The following DENND1A variants were observed in gnomAD, a reference collection of about 807,000 sequenced individuals.
DENND1A encodes the protein DENN domain containing 1A.
A neutral mutation model predicts 113.7 loss-of-function variants in DENND1A; 51 were observed. That is an observed-to-expected ratio of 0.45 (90% CI 0.36 to 0.57). The LOEUF (loss-of-function observed/expected upper bound fraction) is 0.57, where lower values mean the gene tolerates loss of function less well. DENND1A is among the 20% of genes least tolerant of loss of function. DENND1A has a pLI of 0.00. For synonymous variants in DENND1A, 565 were observed against 570.8 expected (o/e 0.99, Z 0.14); for missense variants, 1,258 against 1,395.9 (o/e 0.90, Z 1.57).
At chr9:123,793,960 C>T (rs1322983918) in intron 2 of DENND1A, among the ~76,000 whole-genome samples, 4 of 152,224 alleles carry the variant, frequency 2.6e-5, no homozygotes, top group Non-Finnish European at 2.9e-5. Context: ...GAATCAATTT[C>T]TTTCTTCACC....
At chr9:123,740,638 T>C (rs2068931193) in intron 5 of DENND1A, among the ~76,000 whole-genome samples, 1 of 152,180 alleles carries the variant, frequency 6.6e-6, no homozygotes, top group South Asian at 2.1e-4. Context: ...AAATTAGGTA[T>C]CTTATATAAC....
At chr9:123,448,056 G>A (rs1564506930) in intron 18 of DENND1A, among the ~76,000 whole-genome samples, 1 of 152,180 alleles carries the variant, frequency 6.6e-6, no homozygotes, top group Non-Finnish European at 1.5e-5. Flanking sequence ...CAGTCCGATG[G>A]TGACAAGCCA....
At chr9:123,895,338 C>T (rs1294671765) in intron 1 of DENND1A, among the ~76,000 whole-genome samples, 3 of 151,974 alleles carry the variant, frequency 2.0e-5, no homozygotes, top group South Asian at 2.1e-4. Context: ...AACAAAGATT[C>T]GGTCGGGTAT....
chr9:123,568,614 G>C (rs2058182612), intron 12 of DENND1A, among the ~76,000 whole-genome samples: 2 of 152,226 alleles, frequency 1.3e-5, no homozygotes, highest in African/African-American at 4.8e-5. Flanking sequence ...GGGAGTTAAT[G>C]AAGAGCTTGG....
In DENND1A at chr9:123,805,473, A is replaced by G. The variant is rs978084699; in HGVS notation, c.89-12843T>C. 4.7e-5 allele frequency among the ~76,000 whole-genome samples: 7 copies of G among 150,338 alleles called. No individual in the cohort carries two copies. The East Asian group carries it at 1.4e-3, about 29-fold the overall frequency. ...TTTTGAGACAGAGTCTCACTCTGTC[A>G]CCCAAGATGGACTGTAATGGCATGA... On this transcript the variant is annotated intron_variant, in intron 2 of 23. Transcript: ENST00000394215.
At chr9:123,553,400 G>T (rs5021618) in intron 13 of DENND1A, among the ~76,000 whole-genome samples, 38 of 112,484 alleles carry the variant, frequency 3.4e-4, no homozygotes, top group Middle Eastern at 4.2e-3. Context: ...TTTAAAAGCC[G>T]CCCCCCCCCC....
At chr9:123,900,569 T>C (rs1851455986) in intron 1 of DENND1A, among the ~76,000 whole-genome samples, 2 of 152,144 alleles carry the variant, frequency 1.3e-5, no homozygotes, top group African/African-American at 2.4e-5. Context: ...AATCTACACG[T>C]GTGATTAAGG....
chr9:123,427,407 C>T (rs2045822272), intron 19 of DENND1A, among the ~76,000 whole-genome samples: 1 of 152,222 alleles, frequency 6.6e-6, no homozygotes, highest in African/African-American at 2.4e-5. Flanking sequence ...GACTTTGTCA[C>T]ACTTGAGTCT....
At chr9:123,502,240 G>A (rs1228425200) in intron 13 of DENND1A, among the ~76,000 whole-genome samples, 1 of 150,524 alleles carries the variant, frequency 6.6e-6, no homozygotes, top group East Asian at 2.0e-4. Context: ...TATAATACAG[G>A]CTCCATATAT....
intron 5 of DENND1A, among the ~76,000 whole-genome samples, chr9:123,749,161 T>A (rs1181445032): frequency 1.3e-5 from 2 of 152,200 alleles, no homozygotes; most frequent in Non-Finnish European, 2.9e-5. Flanking sequence ...AAGACTGTCA[T>A]TCACCAGCCA....
At chr9:123,389,451 G>T (rs2042730073) in intron 21 of DENND1A, among the ~76,000 whole-genome samples, 1 of 152,196 alleles carries the variant, frequency 6.6e-6, no homozygotes, top group South Asian at 2.1e-4. Context: ...GGTCCAGGGG[G>T]CATTTTCCCG....
intron 11 of DENND1A, among the ~76,000 whole-genome samples, chr9:123,603,514 T>A (rs2060020682): frequency 6.6e-6 from 1 of 152,140 alleles, no homozygotes; most frequent in African/African-American, 2.4e-5. Flanking sequence ...TAGGGACCCA[T>A]GGCTAAGCAT....
intron 9 of DENND1A, among the ~76,000 whole-genome samples, chr9:123,639,718 G>A (rs2061922293): frequency 6.7e-6 from 1 of 150,082 alleles, no homozygotes; most frequent in African/African-American, 2.5e-5. Context: ...TAGAGGTTGT[G>A]GTGAGCCAAG....
intron 13 of DENND1A, chr9:123,492,040 C>G (rs570268470): frequency 6.6e-6 from 1 of 152,358 alleles, no homozygotes; most frequent in South Asian, 2.1e-4. Flanking sequence ...GAGATGAATT[C>G]TACATAGAAA....
chr9:123,603,258 T>A (rs1256595907), intron 11 of DENND1A, among the ~76,000 whole-genome samples: 1 of 152,198 alleles, frequency 6.6e-6, no homozygotes, highest in East Asian at 1.9e-4. Flanking sequence ...TGACAGAAAT[T>A]CCAGTTCTTT....
chr9:123,913,623 C>T (rs1429100036), intron 1 of DENND1A, among the ~76,000 whole-genome samples: 2 of 151,976 alleles, frequency 1.3e-5, no homozygotes, highest in Admixed American at 6.6e-5. Context: ...TATCAAAATC[C>T]GACCGGGCAT....
intron 1 of DENND1A, among the ~76,000 whole-genome samples, chr9:123,911,138 A>G (rs866964143): frequency 1.2e-4 from 18 of 152,230 alleles, no homozygotes; most frequent in African/African-American, 3.9e-4. Flanking sequence ...ACAAAAGAAG[A>G]TATCTAAATG....
intron 9 of DENND1A, among the ~76,000 whole-genome samples, chr9:123,632,444 A>G (rs990089399): frequency 1.3e-5 from 2 of 152,212 alleles, no homozygotes; most frequent in African/African-American, 4.8e-5. Context: ...TTAGAGATGA[A>G]AAGTCCTTGC....
intron 3 of DENND1A, among the ~76,000 whole-genome samples, chr9:123,774,042 A>G (rs1830113824): frequency 6.6e-6 from 1 of 152,206 alleles, no homozygotes; most frequent in Non-Finnish European, 1.5e-5. Flanking sequence ...AAACCATGGG[A>G]GAACATTTCC....
Sources: gnomAD v4.1 joint callset for allele counts (sites outside exome capture counted in the v4.1 genomes callset) on GRCh38, gnomAD v4.1.1 for gene constraint, MANE v1.5 for transcripts, NCBI Gene and HGNC (gene_info 2026-07-23, HGNC 2026-07-21) for gene names.